DMRTC2: variants seen among roughly 807,000 people sequenced by gnomAD.
The protein encoded by DMRTC2 is DMRT like family C2, also known as doublesex- and mab-3-related transcription factor C2.
In DMRTC2, 13 loss-of-function variants were observed where a neutral mutation model predicts 39.9. The ratio of observed to expected loss-of-function variants is 0.33; its 90% confidence interval spans 0.21 to 0.52. The LOEUF (loss-of-function observed/expected upper bound fraction) is 0.52, where lower values mean the gene tolerates loss of function less well. Among genes scored for constraint, DMRTC2 ranks in the 20% least tolerant of loss-of-function variants. The pLI is 0.96. For synonymous variants in DMRTC2, 189 were observed against 185.2 expected, an observed-to-expected ratio of 1.02 and a Z score of -0.17; for missense variants, 431 against 472.8, an observed-to-expected ratio of 0.91 and a Z score of 0.82.
intron 6 of DMRTC2, among the ~76,000 whole-genome samples, chr19:41,849,464 T>C (rs1392827908): frequency 6.6e-6 from 1 of 152,208 alleles, no homozygotes; most frequent in Non-Finnish European, 1.5e-5. Flanking sequence ...TATCAGTAAA[T>C]TGGAGACACT....
chr19:41,849,336 T>C (rs985093625), intron 6 of DMRTC2, 80 bp downstream of exon 6: 35 of 1,550,750 alleles, frequency 2.3e-5, no homozygotes, highest in Non-Finnish European at 2.9e-5. Context: ...CCAACCACAG[T>C]GGATAATGAA....
rs532343860 is a variant in DMRTC2, at chr19:41,851,663, T to G, written c.1071T>G (p.Ile357Met). 1.2e-6 allele frequency: 2 copies of G among 1,614,192 alleles called. No individual in the cohort carries two copies. Among genetic ancestry groups the G allele is most frequent in the Non-Finnish European group, 1.7e-6 (2 of 1,180,030 alleles). The change falls in exon 9 of 9, where the codon ATT becomes ATG. Residue 357 changes from isoleucine (I) to methionine (M), a missense_variant. By Grantham distance (10) the Ile-to-Met change is conservative. Transcript: ENST00000269945. ...PSPAPSVALH[I>M]GRLGSISLLS ...CAGCCCCCTCTGTTGCTCTGCATAT[T>G]GGCCGTCTGGGGTCCATCTCCCTCC... is the stretch of plus-strand genomic sequence containing the variant.
rs781981285 is a variant in DMRTC2, at chr19:41,850,586, G to C, written c.877G>C (p.Glu293Gln). The C allele has an allele frequency of 2.0e-5, 32 of 1,613,562 alleles. No individual in the cohort carries two copies. Among genetic ancestry groups the C allele is most frequent in the Non-Finnish European group, 2.6e-5 (31 of 1,179,834 alleles). ...CCCCTCAGAGTGGCAGCTGCAGCAA[G>C]AGGCAGCTGAAGCCCTCGTGGGGCT... ...SGPSEWQLQQ[E>Q]AAEALVGLKD... The change falls in exon 8 of 9, where the codon GAG becomes CAG. Residue 293 changes from glutamate (E) to glutamine (Q), a missense_variant. Coordinates refer to ENST00000269945, the MANE Select transcript of DMRTC2 (RefSeq NM_001040283.3).
chr19:41,852,326 AG>A lies in DMRTC2; in HGVS notation c.*631del. On this transcript the variant is annotated 3_prime_UTR_variant, in exon 9 of 9. Coordinates refer to ENST00000269945, the MANE Select transcript of DMRTC2 (RefSeq NM_001040283.3). ...GTCCAAATAAAAAAAAATGATGTAA[AG>A]AAATAATGGGGGATTCACTGATTAA... 1 of 152,306 alleles carries A rather than the reference AG, an allele frequency of 6.6e-6. No homozygotes were observed. Among genetic ancestry groups the A allele is most frequent in the East Asian group, 1.9e-4 (1 of 5,200 alleles). The allele number at this position is 152,306 out of a possible 1,614,324, so 9.4% of individuals were successfully genotyped here. A position where few individuals can be genotyped will look rare whatever the true frequency, so the allele number is the denominator to read the frequency against.
At chr19:41,850,732 T>C in intron 8 of DMRTC2, 32 bp downstream of exon 8, 1 of 1,527,330 alleles carries the variant, frequency 6.5e-7, no homozygotes, top group Non-Finnish European at 8.8e-7. Flanking sequence ...TGGATAGGGA[T>C]GGCTGGGAAA....
At chr19:41,849,896 G>C (rs1341834026) in intron 6 of DMRTC2, among the ~76,000 whole-genome samples, 2 of 152,202 alleles carry the variant, frequency 1.3e-5, no homozygotes, top group Non-Finnish European at 2.9e-5. Flanking sequence ...CTGAGTAACT[G>C]AGCGAGACTT....
Position 41,852,269 on chromosome 19 carries a change from A to G in DMRTC2, c.*573A>G, listed in dbSNP as rs1473795623. 2 of 152,222 alleles carry G rather than the reference A, an allele frequency of 1.3e-5. No individual in the cohort carries two copies. Among genetic ancestry groups the G allele is most frequent in the Non-Finnish European group, 2.9e-5 (2 of 68,042 alleles). 9.4% of individuals were successfully genotyped at this position (152,222 alleles called of 1,614,324 possible). On this transcript the variant is annotated 3_prime_UTR_variant, in exon 9 of 9. Transcript: ENST00000269945. The stretch of plus-strand genomic sequence containing the variant: ...AAAAATCTGTTATCCAATAGCTACC[A>G]TAGATGAAAACAAACTTGGATTTTT...
chr19:41,849,035 G>A, intron 5 of DMRTC2, 60 bp downstream of exon 5: 1 of 1,611,866 alleles, frequency 6.2e-7, no homozygotes, highest in Non-Finnish European at 8.5e-7. Flanking sequence ...GCCACATATT[G>A]GAGAGGGAAG....
At position 41,851,704 on chromosome 19, in the gene DMRTC2, G is replaced by A; in HGVS notation, c.*8G>A. 1 of 1,611,326 alleles carries A rather than the reference G, an allele frequency of 6.2e-7. No homozygotes were observed. The highest frequency in any genetic ancestry group is 1.3e-5 in the African/African-American group (1 of 74,434). On this transcript the variant is annotated 3_prime_UTR_variant, in exon 9 of 9. Transcript: ENST00000269945. ...ATCTCCCTCCTGAGCTAGAAACCCA[G>A]AGATGGAGGCTGTCTTGCTATGGCA...
chr19:41,847,920 T>C (rs782662232), intron 3 of DMRTC2, 39 bp downstream of exon 3: 25 of 1,551,318 alleles, frequency 1.6e-5, no homozygotes, highest in African/African-American at 1.4e-5. Context: ...GGAGTTTGGG[T>C]ACAGGAGGCA....
At chr19:41,849,049 A>C (rs2073914267) in intron 5 of DMRTC2, 74 bp downstream of exon 5, 84 of 1,611,618 alleles carry the variant, frequency 5.2e-5, no homozygotes, top group Non-Finnish European at 7.0e-5. Context: ...AGGGAAGAGG[A>C]AGAAAGCATA....
intron 4 of DMRTC2, 70 bp from the exon 5 acceptor site, chr19:41,848,725 T>G: frequency 6.2e-7 from 1 of 1,603,800 alleles, no homozygotes; most frequent in Non-Finnish European, 8.5e-7. Flanking sequence ...GTTCTGCCCG[T>G]ATCCCAGAAT....
At position 41,847,571 on chromosome 19, in the gene DMRTC2, A is replaced by G. The variant is rs782737068; in HGVS notation, c.143A>G (p.His48Arg). The part of the protein sequence containing the change: ...RSPTCARCRN[H>R]GVTAHLKGHK... ...CCAACCTGCGCCCGCTGCCGCAACC[A>G]TGGTGTCACCGCCCATCTCAAGGGC... Residue 48 changes from histidine (H) to arginine (R), a missense_variant, in exon 2 of 9, where the codon CAT (histidine) becomes CGT (arginine). Transcript: ENST00000269945. 6.2e-7 allele frequency: 1 copy of G among 1,614,120 alleles called. No individual in the cohort carries two copies. The highest frequency in any genetic ancestry group is 8.5e-7 in the Non-Finnish European group (1 of 1,180,010).
chr19:41,851,345 G>A (rs1600599447), intron 8 of DMRTC2: 1 of 488,964 alleles, frequency 2.0e-6, no homozygotes, highest in East Asian at 3.4e-5. Context: ...GGGAGCCAGG[G>A]AACGTTTCTG....
chr19:41,845,942 G>A (rs1411978684), intron 1 of DMRTC2, among the ~76,000 whole-genome samples: 6 of 151,996 alleles, frequency 3.9e-5, no homozygotes, highest in Non-Finnish European at 8.8e-5. Context: ...AGCTCAGGAG[G>A]TGGAGGCTGC....
Position 41,851,722 on chromosome 19 carries a change from C to A in DMRTC2, c.*26C>A. ...AAACCCAGAGATGGAGGCTGTCTTG[C>A]TATGGCAGGGAGGTGACAGCCTGCT... On this transcript the variant is annotated 3_prime_UTR_variant, in exon 9 of 9. Coordinates refer to ENST00000269945, the MANE Select transcript of DMRTC2 (RefSeq NM_001040283.3). 1 of 1,602,448 alleles carries A rather than the reference C, an allele frequency of 6.2e-7. No individual in the cohort carries two copies. The highest frequency in any genetic ancestry group is 1.3e-5 in the African/African-American group (1 of 74,798).
chr19:41,848,035 A>G (rs2073892116), intron 3 of DMRTC2, among the ~76,000 whole-genome samples, 154 bp downstream of exon 3: 1 of 152,204 alleles, frequency 6.6e-6, no homozygotes, highest in African/African-American at 2.4e-5. Flanking sequence ...GAGAGAATGC[A>G]GCGAGTTCTG....
Position 41,847,474 on chromosome 19 carries a change from T to G in DMRTC2, c.46T>G (p.Ser16Ala). 6.2e-7 allele frequency: 1 copy of G among 1,608,262 alleles called. No homozygotes were observed. Among genetic ancestry groups the G allele is most frequent in the Non-Finnish European group, 8.5e-7 (1 of 1,176,722 alleles). Reference sequence around the variant, plus strand: ...TGCTGGCTACCACTGCCCCTTAGACTCTGCCCCCTGGGATGAGACCAGAGA... The same window carrying G: ...TGCTGGCTACCACTGCCCCTTAGACGCTGCCCCCTGGGATGAGACCAGAGA... Reference protein sequence around the residue: ...MPAGYHCPLDSAPWDETRDPQ... With the variant: ...MPAGYHCPLDAAPWDETRDPQ... Residue 16 changes from serine (S) to alanine (A), a missense_variant, in exon 2 of 9, where the codon TCT becomes GCT. Physicochemically the swap from Ser to Ala is moderately conservative, Grantham distance 99 (BLOSUM62 1). Transcript: ENST00000269945.
At chr19:41,845,234 C>T (rs1406660012) in intron 1 of DMRTC2, 133 bp downstream of exon 1, 2 of 152,254 alleles carry the variant, frequency 1.3e-5, no homozygotes, top group African/African-American at 4.8e-5. Context: ...CCCCTCTCCC[C>T]TTCCCTGCCT....
Sources: gnomAD v4.1 joint callset for allele counts (sites outside exome capture counted in the v4.1 genomes callset) on GRCh38, gnomAD v4.1.1 for gene constraint, MANE v1.5 for transcripts, NCBI Gene and HGNC (gene_info 2026-07-23, HGNC 2026-07-21) for gene names.